Variants in THSD7B observed in about 807,000 individuals in gnomAD.
THSD7B encodes the protein thrombospondin type-1 domain-containing protein 7B.
A neutral mutation model predicts 213.6 loss-of-function variants in THSD7B; 138 were observed. The observed-to-expected ratio is 0.65, with a 90% CI of 0.56 to 0.74. The LOEUF (loss-of-function observed/expected upper bound fraction) is 0.74. THSD7B is among the 30% of genes least tolerant of loss of function. THSD7B has a pLI of 0.00. For synonymous variants in THSD7B, 742 were observed against 687.0 expected, an observed-to-expected ratio of 1.08 and a Z score of -1.25; for missense variants, 1,931 against 1,991.5, an observed-to-expected ratio of 0.97 and a Z score of 0.58.
chr2:137,651,975 T>C (rs1429786781), intron 21 of THSD7B, among the ~76,000 whole-genome samples: 1 of 152,084 alleles, frequency 6.6e-6, no homozygotes, highest in Admixed American at 6.5e-5. Flanking sequence ...GCCGAAGATA[T>C]GGTTTATTCT....
chr2:137,122,681 G>T (rs998721035), intron 5 of THSD7B, among the ~76,000 whole-genome samples: 2 of 152,034 alleles, frequency 1.3e-5, no homozygotes, highest in Non-Finnish European at 2.9e-5. Flanking sequence ...TCAACCCTTG[G>T]AGCTCCAACA....
intron 3 of THSD7B, among the ~76,000 whole-genome samples, chr2:137,093,215 A>G (rs1678356859): frequency 6.6e-6 from 1 of 152,138 alleles, no homozygotes; most frequent in Admixed American, 6.5e-5. Context: ...AACCTGTGAC[A>G]GGAAGCCCTT....
chr2:137,648,760 T>G (rs1201196852), intron 21 of THSD7B, among the ~76,000 whole-genome samples: 1 of 152,128 alleles, frequency 6.6e-6, no homozygotes, highest in African/African-American at 2.4e-5. Context: ...TGTGTGTGTG[T>G]ATGTGTGTTT....
chr2:136,959,952 G>T (rs1165106524), intron 2 of THSD7B, among the ~76,000 whole-genome samples: 1 of 152,094 alleles, frequency 6.6e-6, no homozygotes, highest in Non-Finnish European at 1.5e-5. Flanking sequence ...ATCAGAATCC[G>T]CACCTGGATT....
intron 11 of THSD7B, among the ~76,000 whole-genome samples, chr2:137,275,301 C>T (rs1047333510): frequency 1.3e-5 from 2 of 151,930 alleles, no homozygotes; most frequent in Non-Finnish European, 2.9e-5. Flanking sequence ...CCATGGTGCC[C>T]GTTCTTTTAC....
chr2:137,652,993 T>C (rs1225230990), intron 21 of THSD7B, among the ~76,000 whole-genome samples: 1 of 152,170 alleles, frequency 6.6e-6, no homozygotes, highest in Middle Eastern at 3.2e-3. Context: ...ACACCACAAT[T>C]ACAGTATTAG....
intron 2 of THSD7B, among the ~76,000 whole-genome samples, chr2:137,031,141 C>T (rs1291720359): frequency 1.3e-5 from 2 of 152,122 alleles, no homozygotes; most frequent in East Asian, 1.9e-4. Context: ...ATCAGGAGTT[C>T]GAGACCAGCC....
At chr2:137,160,425 G>C in intron 6 of THSD7B, 57 bp downstream of exon 6, 1 of 1,577,056 alleles carries the variant, frequency 6.3e-7, no homozygotes, top group Admixed American at 1.8e-5. Flanking sequence ...CATTTATTCT[G>C]GTAGCTAAGT....
At chr2:137,541,429 A>G (rs1006289931) in intron 15 of THSD7B, among the ~76,000 whole-genome samples, 1 of 151,738 alleles carries the variant, frequency 6.6e-6, no homozygotes, top group African/African-American at 2.4e-5. Context: ...TTTTTAATTG[A>G]CAAATAATGG....
At chr2:136,980,308 G>A (rs915449482) in intron 2 of THSD7B, among the ~76,000 whole-genome samples, 2 of 152,184 alleles carry the variant, frequency 1.3e-5, no homozygotes, top group African/African-American at 4.8e-5. Flanking sequence ...GGCGCTGGGG[G>A]GAATCTTGGC....
intron 7 of THSD7B, among the ~76,000 whole-genome samples, chr2:137,225,845 C>T (rs1254009855): frequency 2.0e-5 from 3 of 148,546 alleles, no homozygotes; most frequent in Non-Finnish European, 4.6e-5. Flanking sequence ...CAAGCAGAGA[C>T]ATTAATTGTG....
At chr2:137,621,126 A>G (rs1279278975) in intron 20 of THSD7B, among the ~76,000 whole-genome samples, 1 of 152,212 alleles carries the variant, frequency 6.6e-6, no homozygotes, top group Non-Finnish European at 1.5e-5. Context: ...TTTCACCCAC[A>G]TAAAGAGAGG....
chr2:137,006,801 C>T (rs1686122685), intron 2 of THSD7B, among the ~76,000 whole-genome samples: 1 of 152,150 alleles, frequency 6.6e-6, no homozygotes, highest in Admixed American at 6.6e-5. Context: ...CTAAGGGGCA[C>T]ATTTTACATT....
At chr2:137,650,372 T>C (rs774329504) in intron 21 of THSD7B, among the ~76,000 whole-genome samples, 15 of 152,232 alleles carry the variant, frequency 9.9e-5, no homozygotes, top group Non-Finnish European at 2.1e-4. Context: ...TCTTGATTTA[T>C]TTTTCAGATT....
intron 7 of THSD7B, among the ~76,000 whole-genome samples, chr2:137,227,096 G>A (rs1325124761): frequency 1.3e-5 from 2 of 152,142 alleles, no homozygotes; most frequent in Non-Finnish European, 2.9e-5. Context: ...ACTGCTCAAT[G>A]CGTATGGGGC....
chr2:136,935,912 A>C (rs1270229558), intron 2 of THSD7B, among the ~76,000 whole-genome samples: 1 of 148,102 alleles, frequency 6.8e-6, no homozygotes, highest in Non-Finnish European at 1.5e-5. Flanking sequence ...ATAATATGTA[A>C]TATATAATCT....
At chr2:136,807,493 C>A (rs1233846085) in intron 1 of THSD7B, among the ~76,000 whole-genome samples, 1 of 130,384 alleles carries the variant, frequency 7.7e-6, no homozygotes, top group African/African-American at 3.1e-5. Flanking sequence ...TACTTCCTAG[C>A]ACTACAAAAT....
chr2:137,018,472 C>T (rs1686383199), intron 2 of THSD7B, among the ~76,000 whole-genome samples: 1 of 152,088 alleles, frequency 6.6e-6, no homozygotes, highest in South Asian at 2.1e-4. Context: ...ACCCTAAAAA[C>T]TGGAAAATTT....
At chr2:137,428,745 A>G (rs1271793640) in intron 14 of THSD7B, among the ~76,000 whole-genome samples, 1 of 152,200 alleles carries the variant, frequency 6.6e-6, no homozygotes, top group Non-Finnish European at 1.5e-5. Flanking sequence ...AGGCTAATTT[A>G]CTTCTATGGT....
Sources: allele counts gnomAD v4.1 joint callset (sites outside exome capture counted in the v4.1 genomes callset), GRCh38; gene constraint gnomAD v4.1.1; transcripts MANE v1.5; gene names NCBI Gene and HGNC (gene_info 2026-07-23, HGNC 2026-07-21).